The following LIMS2 variants were observed in gnomAD, a reference collection of about 807,000 sequenced individuals.
LIMS2 encodes the protein LIM and senescent cell antigen-like-containing domain protein 2.
In LIMS2, 30 loss-of-function variants were observed where a neutral mutation model predicts 45.3. The ratio of observed to expected loss-of-function variants is 0.66; its 90% CI spans 0.50 to 0.90. LIMS2 has a LOEUF of 0.90. LIMS2 is among the 40% of genes least tolerant of loss of function. The pLI is 0.00. For synonymous variants in LIMS2, 173 were observed against 188.0 expected, an observed-to-expected ratio of 0.92 and a Z score of 0.65; for missense variants, 485 against 468.7, an observed-to-expected ratio of 1.03 and a Z score of -0.32.
intron 4 of LIMS2, among the ~76,000 whole-genome samples, chr2:127,648,547 C>T (rs1203974905): frequency 9.2e-5 from 14 of 152,142 alleles, no homozygotes; most frequent in Admixed American, 9.2e-4. Context: ...TGTCCATGAA[C>T]AGTCACCATG....
chr2:127,640,240 T>C, intron 8 of LIMS2, 30 bp downstream of exon 8: 3 of 1,612,700 alleles, frequency 1.9e-6, no homozygotes, highest in Non-Finnish European at 2.5e-6. Flanking sequence ...GGAGAGCAGG[T>C]GGGGTGGGGG....
chr2:127,654,604 T>A (rs1684121726), intron 3 of LIMS2, 60 bp from the exon 4 acceptor site: 7 of 1,608,638 alleles, frequency 4.4e-6, no homozygotes, highest in Non-Finnish European at 6.0e-6. Flanking sequence ...CTTCGGACCC[T>A]CCCAAGCCCT....
At chr2:127,673,976 G>A (rs1287823780) in intron 1 of LIMS2, 2 of 533,540 alleles carry the variant, frequency 3.7e-6, no homozygotes, top group Non-Finnish European at 6.8e-6. Context: ...AGAAGAAAGG[G>A]AAGTGTGTCT....
intron 1 of LIMS2, among the ~76,000 whole-genome samples, chr2:127,659,205 G>A (rs57494252): frequency 0.2 from 29,707 of 152,154 alleles, 3,555 homozygotes; most frequent in African/African-American, 0.33. Flanking sequence ...GGCAGAGGCT[G>A]TCTGGAAGGC....
Position 127,675,057 on chromosome 2 carries a change from G to C in LIMS2, c.-33C>G, listed in dbSNP as rs1421111470. On this transcript the variant is annotated 5_prime_UTR_variant, in exon 1 of 10. Transcript: ENST00000355119. Reference sequence around the variant, plus strand: ...GCGACGCCGAGCCCTGGGTTGCCGGGGTTGCCGCGGGTCTCCCTCTGCTGC... The same window carrying C: ...GCGACGCCGAGCCCTGGGTTGCCGGCGTTGCCGCGGGTCTCCCTCTGCTGC... The C allele has an allele frequency of 1.6e-6, 2 of 1,228,142 alleles. No individual in the cohort carries two copies. The highest frequency in any genetic ancestry group is 8.2e-5 in the South Asian group (2 of 24,306). 76.1% of individuals were successfully genotyped at this position (1,228,142 alleles called of 1,614,324 possible).
Position 127,642,916 on chromosome 2 carries a change from C to A in LIMS2, c.509+7G>T. On this transcript the variant is annotated splice_region_variant and intron_variant, in intron 5 of 9. Coordinates refer to ENST00000355119, the MANE Select transcript of LIMS2 (RefSeq NM_001161403.3). The surrounding 1 kb of genome is among the most constrained non-coding windows in gnomAD (Gnocchi z 5.3). ...CCCACAACTGCAGGGCCGGGCTGCGCACCTACCCACAGTGGGTGCAGTTGA... is the reference window on the plus strand; with the variant it reads ...CCCACAACTGCAGGGCCGGGCTGCGAACCTACCCACAGTGGGTGCAGTTGA... 1 of 1,558,530 alleles carries A rather than the reference C, an allele frequency of 6.4e-7. No individual in the cohort carries two copies. Among genetic ancestry groups the A allele is most frequent in the Non-Finnish European group, 8.7e-7 (1 of 1,151,316 alleles).
At chr2:127,666,460 C>T (rs1320040058) in intron 1 of LIMS2, among the ~76,000 whole-genome samples, 1 of 152,146 alleles carries the variant, frequency 6.6e-6, no homozygotes, top group Admixed American at 6.5e-5. Context: ...TCCCTAACTC[C>T]ATGGCTTCCT....
rs1041533438 is a variant in LIMS2 at position 127,667,007 on chromosome 2, C to T, written c.11+8007G>A. ...AGCCTACCCAAATCACTTAGTAAGG[C>T]CAGTAACATGTAAAGAGACTGAGAC... On this transcript the variant is annotated intron_variant, in intron 1 of 9. Transcript: ENST00000355119. The surrounding 1 kb of genome is among the most constrained non-coding windows in gnomAD (Gnocchi z 4.1). Among the ~76,000 whole-genome samples, 4 of 152,160 alleles carry T rather than the reference C, an allele frequency of 2.6e-5. No individual in the cohort carries two copies. The highest frequency in any genetic ancestry group is 4.4e-5 in the Non-Finnish European group (3 of 68,036).
At chr2:127,640,634 G>A in intron 7 of LIMS2, 2 of 597,990 alleles carry the variant, frequency 3.3e-6, no homozygotes, top group Non-Finnish European at 3.0e-6. Flanking sequence ...AGCAAGGGAG[G>A]GAGGGGGTTG....
chr2:127,640,509 C>T lies in LIMS2; in HGVS notation c.754-191G>A, dbSNP rs1682298597. ...AGAACCACCCTTCCGGGAAGGACAA[C>T]AGGCTGGGGCGTTGCTCCCCAGAAG... On this transcript the variant is annotated intron_variant, in intron 7 of 9. Transcript: ENST00000355119. 4.7e-6 allele frequency: 3 copies of T among 640,396 alleles called. No homozygotes were observed. In the South Asian group the frequency reaches 5.7e-5, roughly 12 times the overall value. The allele number at this position is 640,396 out of a possible 1,614,324, so 39.7% of individuals were successfully genotyped here. A position where few individuals can be genotyped will look rare whatever the true frequency, so the allele number is the denominator to read the frequency against.
chr2:127,661,880 G>C (rs930105962), intron 1 of LIMS2, among the ~76,000 whole-genome samples: 1 of 152,144 alleles, frequency 6.6e-6, no homozygotes, highest in Non-Finnish European at 1.5e-5. Context: ...CAGAGGATTG[G>C]ACTCATGTTC....
Position 127,672,359 on chromosome 2 carries a change from T to TG in LIMS2, c.11+2654dup, listed in dbSNP as rs1386674868. ...TCTCTTCCCACGGCGTGCCACCCCA[T>TG]GCTCTGGGCTGCCTTCACTCCCTGC... On this transcript the variant is annotated intron_variant, in intron 1 of 9. Coordinates refer to ENST00000355119, the MANE Select transcript of LIMS2 (RefSeq NM_001161403.3). The surrounding 1 kb of genome is among the most constrained non-coding windows in gnomAD (Gnocchi z 4.9). Among the ~76,000 whole-genome samples, 1 of 152,140 alleles carries TG rather than the reference T, an allele frequency of 6.6e-6. No homozygotes were observed. Among genetic ancestry groups the TG allele is most frequent in the East Asian group, 1.9e-4 (1 of 5,190 alleles).
intron 7 of LIMS2, 94 bp from the exon 8 acceptor site, chr2:127,640,412 T>A: frequency 7.6e-7 from 1 of 1,322,682 alleles, no homozygotes; most frequent in South Asian, 1.2e-5. Flanking sequence ...ACACGGCCCC[T>A]CTCAGGCATC....
intron 1 of LIMS2, 100 bp downstream of exon 1, chr2:127,674,914 G>T: frequency 8.2e-7 from 1 of 1,220,916 alleles, no homozygotes; most frequent in Non-Finnish European, 1.0e-6. Context: ...GCGGAGCGGG[G>T]ATCGTGGCGC....
upstream of LIMS2, among the ~76,000 whole-genome samples, chr2:127,676,385 T>C (rs949698716): frequency 6.6e-6 from 1 of 150,490 alleles, no homozygotes; most frequent in African/African-American, 2.5e-5. Context: ...GCTGGTATTG[T>C]GGAGTGCCTT....
Position 127,639,368 on chromosome 2 carries a change from C to T in LIMS2, c.939G>A (p.Pro313=), listed in dbSNP as rs773583305. 1.1e-5 allele frequency: 17 copies of T among 1,613,976 alleles called. No homozygotes were observed. Among genetic ancestry groups the T allele is most frequent in the Middle Eastern group, 1.7e-4 (1 of 6,058 alleles). Residue 313 remains proline (P), a synonymous_variant, in exon 10 of 10, where the codon CCG becomes CCA. Coordinates refer to ENST00000355119, the MANE Select transcript of LIMS2 (RefSeq NM_001161403.3). Reference sequence around the variant, plus strand: ...TCTTCAGCCGCTTCTTCAGCTCCAGCGGGAACTTCTCGTAGCACCTCTTAC... The same window carrying T: ...TCTTCAGCCGCTTCTTCAGCTCCAGTGGGAACTTCTCGTAGCACCTCTTAC... ...PVCKRCYEKF[P]LELKKRLKKL... is the part of the protein sequence containing the mutation.
In LIMS2 at chr2:127,675,134, G is replaced by C; in HGVS notation, c.-110C>G. 1 of 988,136 alleles carries C rather than the reference G, an allele frequency of 1.0e-6. No individual in the cohort carries two copies. Among genetic ancestry groups the C allele is most frequent in the Non-Finnish European group, 1.2e-6 (1 of 803,458 alleles). The allele number at this position is 988,136 out of a possible 1,614,324, so 61.2% of individuals were successfully genotyped here. A position where few individuals can be genotyped will look rare whatever the true frequency, so the allele number is the denominator to read the frequency against. On this transcript the variant is annotated 5_prime_UTR_variant, in exon 1 of 10. Transcript: ENST00000355119. ...GCCAGCCCGGGCCGCGGAGCAGGGA[G>C]ACGCCCAAAAAAGGCCAAGAGCCGC...
chr2:127,673,631 TCTC>T (rs1478859420), intron 1 of LIMS2: 2 of 1,538,376 alleles, frequency 1.3e-6, no homozygotes, highest in African/African-American at 1.4e-5. Flanking sequence ...ACGGCTCTGT[TCTC>T]CTCGACATCC....
intron 4 of LIMS2, chr2:127,650,036 G>A: frequency 1.2e-6 from 2 of 1,608,960 alleles, no homozygotes. Flanking sequence ...TTGGTGGGCT[G>A]GATCCAGAAA....
Sources: allele counts gnomAD v4.1 joint callset (sites outside exome capture counted in the v4.1 genomes callset), GRCh38; gene constraint gnomAD v4.1.1; non-coding constraint Gnocchi (gnomAD v3.1); transcripts MANE v1.5; gene names NCBI Gene and HGNC (gene_info 2026-07-23, HGNC 2026-07-21).